The following RASGRP3 variants were observed in gnomAD, a reference collection of about 807,000 sequenced individuals.
RASGRP3 encodes the protein ras guanyl-releasing protein 3.
RASGRP3 carries 54 observed loss-of-function variants against 82.7 expected under a neutral mutation model. The ratio of observed to expected loss-of-function variants is 0.65; its 90% confidence interval spans 0.52 to 0.82. The LOEUF (loss-of-function observed/expected upper bound fraction) is 0.82. RASGRP3 is among the 40% of genes least tolerant of loss of function. The probability of loss-of-function intolerance (pLI) is 0.00; values close to 1 mark genes in which losing one functional copy is unlikely to be tolerated. For synonymous variants in RASGRP3, 309 were observed against 300.5 expected (o/e 1.03, Z -0.29); for missense variants, 861 against 828.9 (o/e 1.04, Z -0.48).
intron 13 of RASGRP3, among the ~76,000 whole-genome samples, chr2:33,547,054 A>G (rs996309230): frequency 3.0e-3 from 29 of 9,732 alleles, no homozygotes; most frequent in East Asian, 0.011. Context: ...TGTCTCAGGG[A>G]AAAAAAAAAA....
chr2:33,543,605 T>A lies in RASGRP3; in HGVS notation c.1372T>A (p.Phe458Ile). The A allele has an allele frequency of 6.2e-7, 1 of 1,601,890 alleles. No individual in the cohort carries two copies. The highest frequency in any genetic ancestry group is 8.5e-7 in the Non-Finnish European group (1 of 1,169,604). The stretch of plus-strand genomic sequence containing the variant: ...TGCCAATTTTCCCTTCTTGGATTCC[T>A]TCTGTGTTCTGGACAAAGATCAGTA... ...IAANFPFLDS[F>I]CVLDKDQDGL... Residue 458 changes from phenylalanine to isoleucine, a missense_variant, in exon 13 of 18, where the codon TTC becomes ATC. Physicochemically the swap from Phe to Ile is conservative, Grantham distance 21. Transcript: ENST00000403687.
chr2:33,476,450 A>T (rs1395668772), upstream of RASGRP3: 1 of 152,248 alleles, frequency 6.6e-6, no homozygotes, highest in Non-Finnish European at 1.5e-5. Flanking sequence ...CAAATTGTGG[A>T]ATATCCCGCT....
intron 9 of RASGRP3, among the ~76,000 whole-genome samples, chr2:33,525,938 G>A (rs942815551): frequency 2.6e-5 from 4 of 152,168 alleles, no homozygotes; most frequent in South Asian, 2.1e-4. Flanking sequence ...TCTGAATATC[G>A]GAGAGTTTTG....
At chr2:33,559,143 T>G in intron 17 of RASGRP3, 113 bp downstream of exon 17, 1 of 880,172 alleles carries the variant, frequency 1.1e-6, no homozygotes, top group Non-Finnish European at 1.7e-6. Context: ...GCAGAATGGT[T>G]GGGAATGAAG....
intron 1 of RASGRP3, among the ~76,000 whole-genome samples, chr2:33,490,684 T>C (rs1427873584): frequency 6.6e-6 from 1 of 152,236 alleles, no homozygotes; most frequent in Non-Finnish European, 1.5e-5. Context: ...TTCCTCTTTA[T>C]ACTTTCTTCC....
intron 1 of RASGRP3, among the ~76,000 whole-genome samples, chr2:33,483,742 G>A (rs1049228245): frequency 2.0e-5 from 3 of 152,080 alleles, no homozygotes; most frequent in Non-Finnish European, 4.4e-5. Flanking sequence ...GCCTGCCTCG[G>A]CCTCCCAAAG....
At chr2:33,507,341 G>A (rs1303283059) in intron 1 of RASGRP3, among the ~76,000 whole-genome samples, 1 of 152,152 alleles carries the variant, frequency 6.6e-6, no homozygotes, top group Non-Finnish European at 1.5e-5. Flanking sequence ...GTTGAAGTGA[G>A]CCAAGATCAC....
At chr2:33,470,132 G>T (rs1666967983) in intron 2 of RASGRP3, among the ~76,000 whole-genome samples, 1 of 151,762 alleles carries the variant, frequency 6.6e-6, no homozygotes, top group African/African-American at 2.4e-5. Flanking sequence ...GAGGATTTTT[G>T]ACCTGTTTGA....
At position 33,479,027 on chromosome 2, in the gene RASGRP3, A is replaced by G. The variant is rs558893274; in HGVS notation, c.-261+2320A>G. On this transcript the variant is annotated intron_variant, in intron 1 of 17. Transcript: ENST00000403687. The stretch of plus-strand genomic sequence containing the variant: ...ACCATATGTAACACAGACAGGAGGG[A>G]CACCTGGATCTGACTGTAGAACCTG... 1.4e-4 allele frequency among the ~76,000 whole-genome samples: 21 copies of G among 152,374 alleles called. No individual in the cohort carries two copies. In the South Asian group the frequency reaches 3.9e-3, roughly 29 times the overall value.
chr2:33,505,905 T>C (rs1158196500), intron 1 of RASGRP3, among the ~76,000 whole-genome samples: 2 of 152,336 alleles, frequency 1.3e-5, no homozygotes, highest in East Asian at 1.9e-4. Context: ...GGTGGGACTT[T>C]GGAATTTCAT....
chr2:33,524,017 G>T lies in RASGRP3; in HGVS notation c.655G>T (p.Ala219Ser). 1 of 1,613,934 alleles carries T rather than the reference G, an allele frequency of 6.2e-7. No individual in the cohort carries two copies. Among genetic ancestry groups the T allele is most frequent in the Non-Finnish European group, 8.5e-7 (1 of 1,179,876 alleles). ...VLSKPTPQQR[A>S]EVITKFINVA... ...TAGCAAACCAACCCCCCAGCAAAGG[G>T]CAGAAGTCATCACAAAGTTTATCAA... Residue 219 changes from alanine to serine, a missense_variant, in exon 8 of 18, where the codon GCA (alanine) becomes TCA (serine). Transcript: ENST00000403687.
At chr2:33,493,516 A>T (rs1180705897) in intron 1 of RASGRP3, among the ~76,000 whole-genome samples, 4 of 152,162 alleles carry the variant, frequency 2.6e-5, no homozygotes. Flanking sequence ...GTGGGATTCA[A>T]TGTGACAGGA....
intron 12 of RASGRP3, 72 bp from the exon 13 acceptor site, chr2:33,543,440 C>T (rs1390058670): frequency 9.2e-6 from 8 of 866,292 alleles, no homozygotes; most frequent in South Asian, 6.7e-5. Context: ...TGCTAGTTAT[C>T]GTTGCTTTTG....
chr2:33,527,845 T>C (rs1213969105), intron 10 of RASGRP3, among the ~76,000 whole-genome samples: 1 of 152,256 alleles, frequency 6.6e-6, no homozygotes, highest in East Asian at 1.9e-4. Flanking sequence ...GTTCCCATTA[T>C]GAACCTCCCA....
At chr2:33,460,338 T>C (rs778319473) in intron 2 of RASGRP3, among the ~76,000 whole-genome samples, 1 of 152,084 alleles carries the variant, frequency 6.6e-6, no homozygotes, top group Non-Finnish European at 1.5e-5. Flanking sequence ...CCCATACATA[T>C]ATATGTAGGA....
intron 2 of RASGRP3, among the ~76,000 whole-genome samples, chr2:33,459,860 G>A (rs2150896617): frequency 6.6e-6 from 1 of 152,292 alleles, no homozygotes; most frequent in East Asian, 1.9e-4. Flanking sequence ...TTTTTTGGCA[G>A]CCTTGAGTTC....
chr2:33,492,695 T>A (rs1668960870), intron 1 of RASGRP3, among the ~76,000 whole-genome samples: 1 of 152,162 alleles, frequency 6.6e-6, no homozygotes, highest in Non-Finnish European at 1.5e-5. Context: ...CACAGGGACT[T>A]CTCAGCCTCC....
chr2:33,525,080 CA>C (rs761878245), intron 9 of RASGRP3, among the ~76,000 whole-genome samples: 30 of 70,614 alleles, frequency 4.2e-4, no homozygotes, highest in Admixed American at 5.8e-4. Context: ...GACTCCATCT[CA>C]AAAAAAAAAA....
intron 13 of RASGRP3, among the ~76,000 whole-genome samples, chr2:33,549,396 C>G (rs894463920): frequency 2.0e-5 from 3 of 152,176 alleles, no homozygotes; most frequent in African/African-American, 4.8e-5. Context: ...AGGATGCACA[C>G]ATACACAATT....
Sources: gnomAD v4.1 joint callset for allele counts (sites outside exome capture counted in the v4.1 genomes callset) on GRCh38, gnomAD v4.1.1 for gene constraint, MANE v1.5 for transcripts, NCBI Gene and HGNC (gene_info 2026-07-23, HGNC 2026-07-21) for gene names.